The following ARMC12 variants were observed in gnomAD, a reference collection of about 807,000 sequenced individuals.
ARMC12 encodes the protein armadillo repeat containing 12.
A neutral mutation model predicts 37.4 loss-of-function variants in ARMC12; 25 were observed. The ratio of observed to expected loss-of-function variants is 0.67; its 90% CI spans 0.49 to 0.93. ARMC12 has a LOEUF of 0.93. Ranked by LOEUF, ARMC12 falls within the 40% of genes least tolerant of loss-of-function variation. The probability of loss-of-function intolerance (pLI) is 0.00; values close to 1 mark genes in which losing one functional copy is unlikely to be tolerated. For synonymous variants in ARMC12, 167 were observed against 176.1 expected (o/e 0.95, Z 0.41); for missense variants, 384 against 426.6 (o/e 0.90, Z 0.88).
At chr6:35,735,149 C>A (rs1766927001), upstream of ARMC12, 1 of 152,202 alleles carries the variant, frequency 6.6e-6, no homozygotes, top group Non-Finnish European at 1.5e-5. This position sits in a 1 kb window ranked among gnomAD's most constrained non-coding sequence, Gnocchi z 4.0. Flanking sequence ...CTGGGTCCCA[C>A]CCTGGAGAAG....
At chr6:35,746,927 C>A (rs1767353958) in intron 3 of ARMC12, among the ~76,000 whole-genome samples, 1 of 151,546 alleles carries the variant, frequency 6.6e-6, no homozygotes, top group South Asian at 2.1e-4. Context: ...ATAGCTGGAG[C>A]TAGAGACATA....
At chr6:35,748,198 T>G (rs2151048962) in intron 5 of ARMC12, among the ~76,000 whole-genome samples, 1 of 152,288 alleles carries the variant, frequency 6.6e-6, no homozygotes, top group Admixed American at 6.5e-5. Context: ...ATAACACAAA[T>G]AAGCTTGAGC....
In ARMC12 at chr6:35,747,609, CAGAAGA is replaced by C; in HGVS notation, c.654_659del (p.Gln218_Asn220delinsHis). ...CGTACGACTGCTGAGCTACCTGGCA[CAGAAGA>C]ATGACCTTCTCTATGACATTCTCAA... On this transcript the variant is annotated inframe_deletion, in exon 5 of 6. Coordinates refer to ENST00000373866, the MANE Select transcript of ARMC12 (RefSeq NM_001286574.2). 6.2e-7 allele frequency: 1 copy of C among 1,614,230 alleles called. No homozygotes were observed. The highest frequency in any genetic ancestry group is 8.5e-7 in the Non-Finnish European group (1 of 1,180,040).
intron 1 of ARMC12, 22 bp downstream of exon 1, chr6:35,737,293 A>G: frequency 1.9e-6 from 3 of 1,614,234 alleles, no homozygotes; most frequent in Non-Finnish European, 2.5e-6. Flanking sequence ...GGCCCTGGGG[A>G]GAGGGCTCTG....
intron 2 of ARMC12, 105 bp from the exon 3 acceptor site, chr6:35,738,279 A>C: frequency 1.6e-6 from 1 of 620,362 alleles, no homozygotes; most frequent in Non-Finnish European, 2.4e-6. Context: ...TCTCTGGCTG[A>C]TAGCGGTGGG....
At chr6:35,737,347 C>T in intron 1 of ARMC12, 76 bp downstream of exon 1, 1 of 1,614,112 alleles carries the variant, frequency 6.2e-7, no homozygotes, top group Non-Finnish European at 8.5e-7. Context: ...GTGGGAGGGC[C>T]CAAAGGTGAT....
chr6:35,732,907 C>T (rs1190981971), upstream of ARMC12, among the ~76,000 whole-genome samples: 1 of 152,184 alleles, frequency 6.6e-6, no homozygotes, highest in Non-Finnish European at 1.5e-5. Flanking sequence ...GGTGTGGTGG[C>T]GTAAGCCTGT....
At chr6:35,732,112 C>G (rs936557862), upstream of ARMC12, among the ~76,000 whole-genome samples, 1 of 152,142 alleles carries the variant, frequency 6.6e-6, no homozygotes, top group Non-Finnish European at 1.5e-5. Context: ...CGGGGAAAGG[C>G]GCGGCCTCCT....
At chr6:35,748,463 T>C in intron 5 of ARMC12, 75 bp from the exon 6 acceptor site, 3 of 1,245,842 alleles carry the variant, frequency 2.4e-6, no homozygotes, top group Non-Finnish European at 2.1e-6. Flanking sequence ...GTTTAGGCAA[T>C]AGGAATATAC....
At chr6:35,737,997 A>G (rs775591262) in intron 1 of ARMC12, 30 bp from the exon 2 acceptor site, 2 of 1,610,022 alleles carry the variant, frequency 1.2e-6, no homozygotes, top group East Asian at 2.2e-5. Flanking sequence ...CTGAGTCCAC[A>G]GCCTGAACTG....
chr6:35,741,671 C>T (rs946094526), intron 3 of ARMC12, among the ~76,000 whole-genome samples: 2 of 152,106 alleles, frequency 1.3e-5, no homozygotes, highest in East Asian at 1.9e-4. Context: ...CTGCCTGCCT[C>T]GGCCTCCCAA....
chr6:35,738,100 C>T lies in ARMC12; in HGVS notation c.237C>T (p.Cys79=), dbSNP rs759955591. ...GGAGGCTCCTCAACTCTTTGGAGTGCAAACAGGATGAGTATGCCAAGAGCA... is the reference window on the plus strand; with the variant it reads ...GGAGGCTCCTCAACTCTTTGGAGTGTAAACAGGATGAGTATGCCAAGAGCA... ...ELRRLLNSLE[C]KQDEYAKSMI... Residue 79 remains cysteine, a synonymous_variant, in exon 2 of 6, where the codon TGC becomes TGT. Coordinates refer to ENST00000373866, the MANE Select transcript of ARMC12 (RefSeq NM_001286574.2). 1.9e-6 allele frequency: 3 copies of T among 1,614,054 alleles called. No individual in the cohort carries two copies. In the South Asian group the frequency reaches 3.3e-5, roughly 18 times the overall value.
In ARMC12 at chr6:35,747,616, A is replaced by G. The variant is rs2151048256; in HGVS notation, c.659A>G (p.Asn220Ser). The change falls in exon 5 of 6, where the codon AAT (asparagine) becomes AGT (serine). Residue 220 changes from asparagine to serine, a missense_variant. Physicochemically the swap from Asn to Ser is conservative, Grantham distance 46 (BLOSUM62 1). Transcript: ENST00000373866. ...CTGCTGAGCTACCTGGCACAGAAGA[A>G]TGACCTTCTCTATGACATTCTCAAC... ...VRLLSYLAQK[N>S]DLLYDILNCQ... 1.9e-6 allele frequency: 3 copies of G among 1,614,266 alleles called. No homozygotes were observed. The highest frequency in any genetic ancestry group is 1.7e-4 in the Middle Eastern group (1 of 6,060).
intron 3 of ARMC12, among the ~76,000 whole-genome samples, chr6:35,743,560 A>G (rs1767243519): frequency 6.6e-6 from 1 of 152,200 alleles, no homozygotes. Flanking sequence ...TATTCACTCA[A>G]TAAATGTAAT....
At chr6:35,737,688 T>A (rs961470311) in intron 1 of ARMC12, among the ~76,000 whole-genome samples, 9 of 152,170 alleles carry the variant, frequency 5.9e-5, no homozygotes, top group Non-Finnish European at 1.3e-4. Context: ...AGTAGGAAAA[T>A]GAGCCCCTTC....
chr6:35,748,815 G>GAGCCCGGCCCTCCTCCTGCC lies in ARMC12; in HGVS notation c.974_993dup (p.Ser332GlyfsTer23). On this transcript the variant is annotated frameshift_variant, in exon 6 of 6. Transcript: ENST00000373866. LOFTEE classifies it high-confidence loss of function. Reference sequence around the variant, plus strand: ...AGCCTGCAGTATCCCCAGGACTTGAGAGCCCGGCCCTCCTCCTGCCAGCCC... The same window carrying GAGCCCGGCCCTCCTCCTGCC: ...AGCCTGCAGTATCCCCAGGACTTGAGAGCCCGGCCCTCCTCCTGCCAGCCCGGCCCTCCTCCTGCCAGCCC... The GAGCCCGGCCCTCCTCCTGCC allele has an allele frequency of 6.2e-7, 1 of 1,614,162 alleles. No homozygotes were observed. The highest frequency in any genetic ancestry group is 8.5e-7 in the Non-Finnish European group (1 of 1,180,008).
chr6:35,731,922 AAG>A, the ARMC12 span, among the ~76,000 whole-genome samples: 1 of 152,086 alleles, frequency 6.6e-6, no homozygotes, highest in East Asian at 1.9e-4. Flanking sequence ...GCGGGAGAGA[AAG>A]AGTTAAACTA....
intron 3 of ARMC12, among the ~76,000 whole-genome samples, chr6:35,741,978 C>T (rs992856606): frequency 2.8e-4 from 43 of 152,138 alleles, no homozygotes; most frequent in African/African-American, 1.0e-3. Context: ...CCACCTCAAC[C>T]TCCCTAGTAG....
chr6:35,735,079 C>T (rs1411956536), upstream of ARMC12: 4 of 152,130 alleles, frequency 2.6e-5, no homozygotes, highest in African/African-American at 9.7e-5. This position sits in a 1 kb window ranked among gnomAD's most constrained non-coding sequence, Gnocchi z 4.0. Context: ...GTGAGCCTTA[C>T]CTGTGCTTAG....
Sources: allele counts gnomAD v4.1 joint callset (sites outside exome capture counted in the v4.1 genomes callset), GRCh38; gene constraint gnomAD v4.1.1; non-coding constraint Gnocchi (gnomAD v3.1); transcripts MANE v1.5; gene names NCBI Gene and HGNC (gene_info 2026-07-23, HGNC 2026-07-21).